GREB1: variants seen among roughly 807,000 people sequenced by gnomAD.
GREB1 encodes protein GREB1.
GREB1 carries 106 observed loss-of-function variants against 200.7 expected under a neutral mutation model. The ratio of observed to expected loss-of-function variants is 0.53; its 90% CI spans 0.45 to 0.62. GREB1 has a LOEUF of 0.62. GREB1 is among the 20% of genes least tolerant of loss of function. GREB1 has a pLI of 0.00. For synonymous variants in GREB1, 1,132 were observed against 1,092.4 expected (o/e 1.04, Z -0.72); for missense variants, 2,243 against 2,556.8 (o/e 0.88, Z 2.65).
intron 1 of GREB1, among the ~76,000 whole-genome samples, chr2:11,499,475 G>C (rs1478086607): frequency 6.6e-6 from 1 of 152,242 alleles, no homozygotes; most frequent in African/African-American, 2.4e-5. Context: ...CTCTCCATGG[G>C]GAATAGAGCC....
Position 11,503,862 on chromosome 2 carries a change from C to A in GREB1, c.-159+21481C>A, listed in dbSNP as rs111306656. On this transcript the variant is annotated intron_variant, in intron 1 of 2. Coordinates refer to the GREB1 transcript ENST00000628795. ...ATATTCAGCATTCCAGTAATTCCCC[C>A]TTGTCCATGGGATATATGTTCCAAG... Among the ~76,000 whole-genome samples, 3 of 145,156 alleles carry A rather than the reference C, an allele frequency of 2.1e-5. No homozygotes were observed. In the Admixed American group the frequency reaches 2.1e-4, roughly 10 times the overall value.
At chr2:11,491,043 A>G (rs1278969421) in intron 1 of GREB1, among the ~76,000 whole-genome samples, 1 of 152,170 alleles carries the variant, frequency 6.6e-6, no homozygotes, top group African/African-American at 2.4e-5. Flanking sequence ...CCTTGTGCAC[A>G]GCTGTTACTG....
At chr2:11,560,687 A>G in intron 2 of GREB1, among the ~76,000 whole-genome samples, 1 of 150,312 alleles carries the variant, frequency 6.7e-6, no homozygotes. Context: ...GGTGACAAGA[A>G]AGAAACTCCA....
rs752451283 is a variant in GREB1, at chr2:11,618,886, C to A, written c.4011C>A (p.His1337Gln). 5.1e-5 allele frequency: 80 copies of A among 1,555,488 alleles called. No homozygotes were observed. The highest frequency in any genetic ancestry group is 6.7e-5 in the Non-Finnish European group (78 of 1,155,898). Residue 1337 changes from histidine to glutamine, a missense_variant, in exon 22 of 33, where the codon CAC becomes CAA. Transcript: ENST00000381486. ...NRAEGRVDGF[H>Q]PRRLLLSGPP... is the part of the protein sequence containing the mutation. Reference sequence around the variant, plus strand: ...CCGAGGGCCGCGTGGACGGCTTCCACCCCCGCAGGCTGCTGCTCAGCGGCC... The same window carrying A: ...CCGAGGGCCGCGTGGACGGCTTCCAACCCCGCAGGCTGCTGCTCAGCGGCC...
chr2:11,487,990 G>A lies in GREB1; in HGVS notation c.-159+5609G>A, dbSNP rs1260851664. 2.0e-5 allele frequency among the ~76,000 whole-genome samples: 3 copies of A among 152,282 alleles called. No individual in the cohort carries two copies. In the East Asian group the frequency reaches 5.8e-4, roughly 29 times the overall value. ...GTTTTGACCTCGACAGAGGTGGTTC[G>A]CCTCTCGGGGCTCAGGTTCTCATCT... On this transcript the variant is annotated intron_variant, in intron 1 of 2. Transcript: ENST00000628795.
chr2:11,608,800 G>A (rs1682645215), intron 17 of GREB1, among the ~76,000 whole-genome samples: 1 of 152,190 alleles, frequency 6.6e-6, no homozygotes, highest in South Asian at 2.1e-4. Flanking sequence ...TTGGCTTTGG[G>A]TCATTTCCTT....
At chr2:11,625,727 C>T (rs1023923967) in intron 24 of GREB1, among the ~76,000 whole-genome samples, 7 of 152,108 alleles carry the variant, frequency 4.6e-5, no homozygotes, top group East Asian at 1.9e-4. Context: ...TGCAGTGTAC[C>T]GGGGCCATTG....
intron 1 of GREB1, among the ~76,000 whole-genome samples, chr2:11,501,905 G>GT (rs1204074491): frequency 3.2e-5 from 2 of 61,550 alleles, no homozygotes; most frequent in African/African-American, 1.5e-4. Context: ...GTTTTTTTTT[G>GT]TTTTTTTTTT....
Position 11,560,436 on chromosome 2 carries a change from C to T in GREB1, c.158-2027C>T, listed in dbSNP as rs530303954. 1.6e-4 allele frequency among the ~76,000 whole-genome samples: 25 copies of T among 152,258 alleles called. No individual in the cohort carries two copies. The South Asian group carries it at 4.8e-3, about 29-fold the overall frequency. On this transcript the variant is annotated intron_variant, in intron 2 of 32. Transcript: ENST00000381486. Reference sequence around the variant, plus strand: ...AAGAAGCGGGCCGGGCATGGTGGCTCGTGCCTATAATCTCAGCACTTTGGG... The same window carrying T: ...AAGAAGCGGGCCGGGCATGGTGGCTTGTGCCTATAATCTCAGCACTTTGGG...
In GREB1 at chr2:11,552,820, G is replaced by A. The variant is rs536075491; in HGVS notation, c.-161-3634G>A. ...AGGTCAGGAGATCGAGACCATCCTG[G>A]CTAACACGGTGAAACCCCGTCTCTA... On this transcript the variant is annotated intron_variant, in intron 1 of 32. Coordinates refer to ENST00000381486, the MANE Select transcript of GREB1 (RefSeq NM_014668.4). 1.4e-4 allele frequency among the ~76,000 whole-genome samples: 21 copies of A among 152,066 alleles called. 1 individual carries two copies. In the South Asian group the frequency reaches 3.5e-3, roughly 26 times the overall value.
chr2:11,486,828 A>T (rs1672667321), intron 1 of GREB1, among the ~76,000 whole-genome samples: 1 of 152,008 alleles, frequency 6.6e-6, no homozygotes, highest in Admixed American at 6.6e-5. Context: ...AGATCACGCC[A>T]TTGTACTCCA....
intron 24 of GREB1, among the ~76,000 whole-genome samples, chr2:11,625,523 A>G (rs183143756): frequency 2.6e-5 from 4 of 152,350 alleles, no homozygotes; most frequent in Admixed American, 2.0e-4. Context: ...GTGCTAAGTG[A>G]CAATGACGAC....
At chr2:11,552,644 G>A (rs1054662498) in intron 1 of GREB1, among the ~76,000 whole-genome samples, 2 of 152,178 alleles carry the variant, frequency 1.3e-5, no homozygotes, top group Non-Finnish European at 1.5e-5. Flanking sequence ...GGGTCTGTCT[G>A]TAAGATAGAG....
chr2:11,628,666 T>C (rs933688627), intron 25 of GREB1, among the ~76,000 whole-genome samples: 3 of 152,124 alleles, frequency 2.0e-5, no homozygotes, highest in African/African-American at 7.3e-5. Context: ...TGAAAACACG[T>C]CCTTGATTTT....
At chr2:11,638,444 A>C (rs940479377) in intron 31 of GREB1, among the ~76,000 whole-genome samples, 3 of 152,174 alleles carry the variant, frequency 2.0e-5, no homozygotes, top group Non-Finnish European at 2.9e-5. Flanking sequence ...CTCGGCCTAA[A>C]TATTCTGATT....
rs1350160340 is a variant in GREB1 at position 11,580,952 on chromosome 2, A to G, written c.901+120A>G. ...CCTCCTGGAGTCTGATGTGGCTTCC[A>G]TGAGAGTCAGGCCAGGACCACAGGT... On this transcript the variant is annotated intron_variant, in intron 7 of 32. Coordinates refer to ENST00000381486, the MANE Select transcript of GREB1 (RefSeq NM_014668.4). This position sits in a 1 kb window ranked among gnomAD's most constrained non-coding sequence, Gnocchi z 4.5. 2 of 1,292,672 alleles carry G rather than the reference A, an allele frequency of 1.5e-6. No homozygotes were observed. Among genetic ancestry groups the G allele is most frequent in the African/African-American group, 1.5e-5 (1 of 68,520 alleles). The allele number at this position is 1,292,672 out of a possible 1,614,324, so 80.1% of individuals were successfully genotyped here.
intron 1 of GREB1, among the ~76,000 whole-genome samples, chr2:11,524,522 T>C (rs886823150): frequency 2.0e-5 from 3 of 152,220 alleles, no homozygotes; most frequent in Admixed American, 2.0e-4. Context: ...CTCTGCAGGA[T>C]TGTAAAATAA....
chr2:11,484,596 A>T (rs1672605160), intron 1 of GREB1, among the ~76,000 whole-genome samples: 1 of 151,076 alleles, frequency 6.6e-6, no homozygotes, highest in Non-Finnish European at 1.5e-5. Context: ...AAAAAACAAA[A>T]AAAAAAAAAA....
chr2:11,640,703 T>A lies in GREB1; in HGVS notation c.*249T>A, dbSNP rs1685756766. Reference sequence around the variant, plus strand: ...GCCAGCCCATTGCTCTGGGCTGTTTTAAAGCCCATTTCACGAGGAACAAAG... The same window carrying A: ...GCCAGCCCATTGCTCTGGGCTGTTTAAAAGCCCATTTCACGAGGAACAAAG... On this transcript the variant is annotated 3_prime_UTR_variant, in exon 33 of 33. Coordinates refer to ENST00000381486, the MANE Select transcript of GREB1 (RefSeq NM_014668.4). This position sits in a 1 kb window ranked among gnomAD's most constrained non-coding sequence, Gnocchi z 4.6. 2 of 472,572 alleles carry A rather than the reference T, an allele frequency of 4.2e-6. No individual in the cohort carries two copies. Among genetic ancestry groups the A allele is most frequent in the South Asian group, 3.3e-5 (1 of 30,762 alleles). The allele number at this position is 472,572 out of a possible 1,614,324, so 29.3% of individuals were successfully genotyped here.
Sources: gnomAD v4.1 joint callset for allele counts (sites outside exome capture counted in the v4.1 genomes callset) on GRCh38, gnomAD v4.1.1 for gene constraint, Gnocchi (gnomAD v3.1) non-coding constraint, MANE v1.5 for transcripts, NCBI Gene and HGNC (gene_info 2026-07-23, HGNC 2026-07-21) for gene names.